ESYT2: variants seen among roughly 807,000 people sequenced by gnomAD.
ESYT2 encodes the protein extended synaptotagmin 2.
In ESYT2, 54 loss-of-function variants were observed where a neutral mutation model predicts 107.2. The ratio of observed to expected loss-of-function variants is 0.50; its 90% CI spans 0.40 to 0.63. The LOEUF (loss-of-function observed/expected upper bound fraction) is 0.63, where lower values mean the gene tolerates loss of function less well. ESYT2 is among the 30% of genes least tolerant of loss of function. The pLI is 0.00. For synonymous variants in ESYT2, 491 were observed against 434.1 expected, an observed-to-expected ratio of 1.13 and a Z score of -1.63; for missense variants, 1,020 against 1,094.5, an observed-to-expected ratio of 0.93 and a Z score of 0.96.
At position 158,764,960 on chromosome 7, in the gene ESYT2, G is replaced by C. The variant is rs1451728104; in HGVS notation, c.925-107C>G. The C allele has an allele frequency of 1.3e-5, 14 of 1,104,916 alleles. 1 individual carries two copies. Among genetic ancestry groups the C allele is most frequent in the South Asian group, 3.0e-5 (2 of 66,260 alleles). The allele number at this position is 1,104,916 out of a possible 1,614,324, so 68.4% of individuals were successfully genotyped here. ...GTCTCGAGAATTGGGAGTGCCGAGGGAATAAAGACCCTCTTCTGGTGCCGA... is the reference window on the plus strand; with the variant it reads ...GTCTCGAGAATTGGGAGTGCCGAGGCAATAAAGACCCTCTTCTGGTGCCGA... On this transcript the variant is annotated intron_variant, in intron 8 of 22. Coordinates refer to ENST00000275418, the MANE Select transcript of ESYT2 (RefSeq NM_001367773.1).
At chr7:158,781,889 G>A (rs1174632956) in intron 6 of ESYT2, among the ~76,000 whole-genome samples, 1 of 141,984 alleles carries the variant, frequency 7.0e-6, no homozygotes, top group East Asian at 2.0e-4. Context: ...AAGTAAGAAC[G>A]AGAACAAGTG....
chr7:158,829,015 G>A, intron 1 of ESYT2, 74 bp downstream of exon 1: 1 of 1,525,408 alleles, frequency 6.6e-7, no homozygotes, highest in Non-Finnish European at 8.7e-7. Context: ...TCGCGGGGAG[G>A]GGAGTGCCTG....
intron 1 of ESYT2, among the ~76,000 whole-genome samples, chr7:158,809,497 A>AAAAAAAAAAG (rs1554425655): frequency 7.1e-6 from 1 of 140,532 alleles, no homozygotes; most frequent in Non-Finnish European, 1.5e-5. Context: ...AAAAAAAAAA[A>AAAAAAAAAAG]CCAGGGGGGA....
In ESYT2 at chr7:158,741,440, G is replaced by GC. The variant is rs1837198403; in HGVS notation, c.2168+82dup. ...CCAAAGCATGCCGGCCTCATGCTCTGCTGCGTTAAACGACTCTCCCCCAGC... is the reference window on the plus strand; with the variant it reads ...CCAAAGCATGCCGGCCTCATGCTCTGCCTGCGTTAAACGACTCTCCCCCAGC... On this transcript the variant is annotated intron_variant, in intron 18 of 22. Transcript: ENST00000275418. 1.4e-5 allele frequency: 21 copies of GC among 1,488,038 alleles called. No homozygotes were observed. In the South Asian group the frequency reaches 2.7e-4, roughly 19 times the overall value. 92.2% of individuals were successfully genotyped at this position (1,488,038 alleles called of 1,614,324 possible). A position where few individuals can be genotyped will look rare whatever the true frequency, so the allele number is the denominator to read the frequency against.
chr7:158,784,092 C>A (rs1367001788), intron 6 of ESYT2, among the ~76,000 whole-genome samples: 1 of 152,156 alleles, frequency 6.6e-6, no homozygotes, highest in Admixed American at 6.5e-5. Context: ...AGAGCTCTGG[C>A]CCCAAGACCC....
At chr7:158,809,344 C>T (rs1045233837) in intron 1 of ESYT2, among the ~76,000 whole-genome samples, 2 of 151,660 alleles carry the variant, frequency 1.3e-5, no homozygotes, top group African/African-American at 2.4e-5. Flanking sequence ...GGCGTGGTGG[C>T]GTGCATCTGT....
At chr7:158,763,035 A>T in intron 10 of ESYT2, 48 bp downstream of exon 10, 1 of 1,367,654 alleles carries the variant, frequency 7.3e-7, no homozygotes, top group Non-Finnish European at 1.0e-6. Flanking sequence ...TTAAACAAAA[A>T]GACTGACCCC....
intron 6 of ESYT2, among the ~76,000 whole-genome samples, chr7:158,781,435 TGA>T (rs1838801691): frequency 8.1e-6 from 1 of 123,298 alleles, no homozygotes; most frequent in East Asian, 2.2e-4. Context: ...GTGAGAAGTG[TGA>T]GTGTGAACAA....
intron 6 of ESYT2, among the ~76,000 whole-genome samples, chr7:158,784,408 C>A (rs1324824954): frequency 6.6e-6 from 1 of 152,206 alleles, no homozygotes; most frequent in East Asian, 1.9e-4. Flanking sequence ...TCTGACCCAG[C>A]TGGAATGGCT....
chr7:158,827,162 C>CAAAA (rs34940580), intron 1 of ESYT2, among the ~76,000 whole-genome samples: 1,201 of 105,940 alleles, frequency 0.011, 13 homozygotes, highest in African/African-American at 0.035. Flanking sequence ...GGCTCTGTCT[C>CAAAA]AAAAAAAAAA....
At chr7:158,789,398 C>T (rs1000751367) in intron 4 of ESYT2, among the ~76,000 whole-genome samples, 2 of 149,432 alleles carry the variant, frequency 1.3e-5, no homozygotes, top group African/African-American at 4.9e-5. Context: ...GCTCTGTTGC[C>T]GAGGCTGGAG....
At chr7:158,772,365 A>G (rs1030461122) in intron 7 of ESYT2, among the ~76,000 whole-genome samples, 1 of 152,176 alleles carries the variant, frequency 6.6e-6, no homozygotes, top group African/African-American at 2.4e-5. Flanking sequence ...TAATGAAACA[A>G]AACTCTTTAG....
intron 3 of ESYT2, among the ~76,000 whole-genome samples, chr7:158,796,553 T>G (rs1839463822): frequency 6.6e-6 from 1 of 152,144 alleles, no homozygotes; most frequent in African/African-American, 2.4e-5. Context: ...AAAGACTACT[T>G]AAAACTAGTG....
intron 1 of ESYT2, among the ~76,000 whole-genome samples, chr7:158,817,454 C>T (rs1840175956): frequency 1.3e-5 from 2 of 152,218 alleles, no homozygotes; most frequent in South Asian, 4.1e-4. Context: ...CTGGAGCGCT[C>T]CCCACACCAA....
In ESYT2 at chr7:158,815,117, G is replaced by T. The variant is rs144025836; in HGVS notation, c.330+13972C>A. 6.8e-3 allele frequency among the ~76,000 whole-genome samples: 1,043 copies of T among 152,320 alleles called. 4 individuals are homozygous for T. Among genetic ancestry groups the T allele is most frequent in the Non-Finnish European group, 0.011 (720 of 68,022 alleles). ...AGTTAGAAGAGAGCCTGCAATGAGTGCTAAGCACATTCACCGTTTGTTTTC... is the reference window on the plus strand; with the variant it reads ...AGTTAGAAGAGAGCCTGCAATGAGTTCTAAGCACATTCACCGTTTGTTTTC... On this transcript the variant is annotated intron_variant, in intron 1 of 22. Transcript: ENST00000275418.
chr7:158,738,880 G>T, intron 19 of ESYT2, 143 bp downstream of exon 19: 1 of 817,982 alleles, frequency 1.2e-6, no homozygotes, highest in Non-Finnish European at 1.9e-6. Context: ...TACGAGCACC[G>T]TCTCTAGAGG....
At chr7:158,820,903 C>T (rs1840269998) in intron 1 of ESYT2, among the ~76,000 whole-genome samples, 1 of 152,144 alleles carries the variant, frequency 6.6e-6, no homozygotes, top group African/African-American at 2.4e-5. Context: ...AGTTTAAGGC[C>T]TTGTCTTACA....
At chr7:158,746,866 C>T (rs1300557458) in intron 16 of ESYT2, among the ~76,000 whole-genome samples, 1 of 151,988 alleles carries the variant, frequency 6.6e-6, no homozygotes, top group Non-Finnish European at 1.5e-5. Context: ...TGAGACCCTA[C>T]AAAAAATAAA....
In ESYT2 at chr7:158,764,733, A is replaced by G. The variant is rs2129472243; in HGVS notation, c.1045T>C (p.Phe349Leu). The change falls in exon 9 of 23, where the codon TTC becomes CTC. Residue 349 changes from phenylalanine (F) to leucine (L), a missense_variant. Phe to Leu is a conservative substitution (Grantham distance 22, BLOSUM62 0). Transcript: ENST00000275418. ...TTCTCCTTGATGACTCTGCTTTGGA[A>G]GATTTGGTTGCCAACTCTAATGATT... Reference protein sequence around the residue: ...YGIIRVGNQIFQSRVIKENLS... With the variant: ...YGIIRVGNQILQSRVIKENLS... 1 of 1,614,194 alleles carries G rather than the reference A, an allele frequency of 6.2e-7. No individual in the cohort carries two copies. Among genetic ancestry groups the G allele is most frequent in the Non-Finnish European group, 8.5e-7 (1 of 1,180,034 alleles).
Sources: gnomAD v4.1 joint callset for allele counts (sites outside exome capture counted in the v4.1 genomes callset) on GRCh38, gnomAD v4.1.1 for gene constraint, MANE v1.5 for transcripts, NCBI Gene and HGNC (gene_info 2026-07-23, HGNC 2026-07-21) for gene names.